ABTB3: variants seen among roughly 807,000 people sequenced by gnomAD.
The protein encoded by ABTB3 is ankyrin repeat and BTB domain containing 3, also known as ankyrin repeat- and BTB/POZ domain-containing protein 3.
chr12:107,559,294 G>C, the ABTB3 span, among the ~76,000 whole-genome samples: 1 of 152,186 alleles, frequency 6.6e-6, no homozygotes, highest in African/African-American at 2.4e-5. Context: ...AGCCACATTG[G>C]CCTCCCCAGG....
the ABTB3 span, among the ~76,000 whole-genome samples, chr12:107,373,592 C>A: frequency 6.6e-6 from 1 of 152,208 alleles, no homozygotes; most frequent in Non-Finnish European, 1.5e-5. Flanking sequence ...ATGCAGAGGC[C>A]TTAACCTGAC....
At chr12:107,534,301 G>C in the ABTB3 span, among the ~76,000 whole-genome samples, 29 of 151,606 alleles carry the variant, frequency 1.9e-4, no homozygotes. Flanking sequence ...CAAAAGCAGT[G>C]CTAAGAGAAA....
At chr12:107,634,909 C>T in the ABTB3 span, 1 of 159,462 alleles carries the variant, frequency 6.3e-6, no homozygotes, top group East Asian at 1.8e-4. Flanking sequence ...TGAAATCCTG[C>T]TAATTTCAGG....
At chr12:107,531,494 G>A in the ABTB3 span, among the ~76,000 whole-genome samples, 1 of 152,294 alleles carries the variant, frequency 6.6e-6, no homozygotes, top group East Asian at 1.9e-4. Context: ...TCGAAGGCCA[G>A]TCCTACTCTA....
At chr12:107,406,135 C>T in the ABTB3 span, among the ~76,000 whole-genome samples, 4 of 152,186 alleles carry the variant, frequency 2.6e-5, no homozygotes, top group African/African-American at 9.6e-5. Flanking sequence ...ACAGGCTGGG[C>T]ACACGGTTGT....
chr12:107,592,789 A>G, the ABTB3 span, among the ~76,000 whole-genome samples: 2 of 152,238 alleles, frequency 1.3e-5, no homozygotes, highest in African/African-American at 2.4e-5. Context: ...GGTAGACAAG[A>G]TGATGGAGTC....
At chr12:107,324,465 C>T in the ABTB3 span, among the ~76,000 whole-genome samples, 1 of 151,742 alleles carries the variant, frequency 6.6e-6, no homozygotes, top group South Asian at 2.1e-4. Flanking sequence ...CTCAGCTCTA[C>T]AAAAAATAAA....
chr12:107,608,667 C>T, the ABTB3 span, among the ~76,000 whole-genome samples: 7 of 151,874 alleles, frequency 4.6e-5, no homozygotes, highest in Non-Finnish European at 1.0e-4. Context: ...GCCAGGAGTT[C>T]GAGAGCAGCC....
chr12:107,452,957 T>C, the ABTB3 span, among the ~76,000 whole-genome samples: 1 of 152,028 alleles, frequency 6.6e-6, no homozygotes, highest in Admixed American at 6.5e-5. Context: ...TACAGAATAA[T>C]GGGGTGGGGC....
the ABTB3 span, among the ~76,000 whole-genome samples, chr12:107,559,800 C>T: frequency 1.3e-5 from 2 of 152,224 alleles, no homozygotes; most frequent in Non-Finnish European, 2.9e-5. Flanking sequence ...CCATTTTGCT[C>T]TCCTCACAGA....
At chr12:107,326,489 G>A in the ABTB3 span, among the ~76,000 whole-genome samples, 1,124 of 152,320 alleles carry the variant, frequency 7.4e-3, 14 homozygotes, top group African/African-American at 0.026. Context: ...GGGACTTAAC[G>A]TTGCTTGTGT....
chr12:107,421,778 C>T, the ABTB3 span, among the ~76,000 whole-genome samples: 1 of 152,194 alleles, frequency 6.6e-6, no homozygotes, highest in African/African-American at 2.4e-5. Flanking sequence ...GACCATGGAT[C>T]TCATCCAATC....
chr12:107,550,139 A>G, the ABTB3 span, among the ~76,000 whole-genome samples: 6 of 152,194 alleles, frequency 3.9e-5, no homozygotes, highest in East Asian at 9.6e-4. Context: ...TCTGGTGGGC[A>G]TTGAAGCCAG....
At chr12:107,551,527 G>T in the ABTB3 span, among the ~76,000 whole-genome samples, 1 of 152,154 alleles carries the variant, frequency 6.6e-6, no homozygotes, top group African/African-American at 2.4e-5. Context: ...TGTGCTAAAG[G>T]TTAGCTAACA....
At chr12:107,633,135 AAT>A in the ABTB3 span, among the ~76,000 whole-genome samples, 1 of 152,168 alleles carries the variant, frequency 6.6e-6, no homozygotes, top group Non-Finnish European at 1.5e-5. Context: ...CCAGAATTTA[AAT>A]GTTGAAGTCC....
At chr12:107,319,936 C>T in the ABTB3 span, 1 of 1,538,794 alleles carries the variant, frequency 6.5e-7, no homozygotes, top group Non-Finnish European at 8.8e-7. Context: ...CCGCCAACCA[C>T]CACCATCACC....
the ABTB3 span, among the ~76,000 whole-genome samples, chr12:107,586,079 G>C: frequency 1.3e-5 from 2 of 152,088 alleles, no homozygotes; most frequent in African/African-American, 4.8e-5. Flanking sequence ...CAGGGTGTAG[G>C]GGTAGAGAGG....
chr12:107,603,091 G>A, the ABTB3 span, among the ~76,000 whole-genome samples: 1 of 152,190 alleles, frequency 6.6e-6, no homozygotes, highest in African/African-American at 2.4e-5. Context: ...ATAGATTTCT[G>A]CATAAATAAG....
the ABTB3 span, among the ~76,000 whole-genome samples, chr12:107,464,204 AGAGTGTGTGTGTGTGT>A: frequency 1.4e-4 from 18 of 129,170 alleles, no homozygotes; most frequent in African/African-American, 5.0e-4. Flanking sequence ...AAACATGTGA[AGAGTGTGTGTGTGTGT>A]GTGTGTGTGT....
Sources: allele counts gnomAD v4.1 joint callset (sites outside exome capture counted in the v4.1 genomes callset), GRCh38; gene constraint gnomAD v4.1.1; transcripts MANE v1.5; gene names NCBI Gene and HGNC (gene_info 2026-07-23, HGNC 2026-07-21).